Variants in FAM76A observed in about 807,000 individuals in gnomAD.
FAM76A encodes the protein family with sequence similarity 76 member A, also known as protein FAM76A.
A neutral mutation model predicts 46.2 loss-of-function variants in FAM76A; 32 were observed. That is an observed-to-expected ratio of 0.69 (90% CI 0.52 to 0.93). The LOEUF is 0.93. Among genes scored for constraint, FAM76A ranks in the 40% least tolerant of loss-of-function variants. FAM76A has a pLI of 0.00. For missense variants in FAM76A, 274 were observed against 361.5 expected (o/e 0.76, Z 1.96); for synonymous variants, 137 against 127.0 (o/e 1.08, Z -0.53).
intron 6 of FAM76A, among the ~76,000 whole-genome samples, chr1:27,752,451 AAAATACAC>A (rs1229848138): frequency 6.6e-6 from 1 of 152,222 alleles, no homozygotes; most frequent in Non-Finnish European, 1.5e-5. Flanking sequence ...CTTCCTCTAG[AAAATACAC>A]TGGCTACTTT....
At chr1:27,726,357 C>T (rs940223497) in intron 1 of FAM76A, among the ~76,000 whole-genome samples, 196 bp downstream of exon 1, 1 of 152,134 alleles carries the variant, frequency 6.6e-6, no homozygotes, top group Non-Finnish European at 1.5e-5. Flanking sequence ...CTCCCGCGGC[C>T]GGCGTGTCCG....
intron 5 of FAM76A, among the ~76,000 whole-genome samples, chr1:27,747,155 G>T (rs10902669): frequency 0.16 from 24,320 of 152,044 alleles, 5,035 homozygotes; most frequent in African/African-American, 0.48. Flanking sequence ...TAGGATAGAG[G>T]CCAGGAATCT....
chr1:27,762,158 CT>C lies in FAM76A; in HGVS notation c.*1580del, dbSNP rs972618906. 2 of 152,094 alleles carry C rather than the reference CT, an allele frequency of 1.3e-5. No homozygotes were observed. Among genetic ancestry groups the C allele is most frequent in the Non-Finnish European group, 2.9e-5 (2 of 68,028 alleles). The allele number at this position is 152,094 out of a possible 1,614,324, so 9.4% of individuals were successfully genotyped here. On this transcript the variant is annotated 3_prime_UTR_variant, in exon 9 of 9. Transcript: ENST00000373954. ...TGAAAACAGGTGCTTCTCAGAAGCA[CT>C]TTGCCTCAACCAGAGTTATGTATGC...
intron 6 of FAM76A, among the ~76,000 whole-genome samples, 180 bp from the exon 7 acceptor site, chr1:27,755,015 C>G (rs2088386567): frequency 6.6e-6 from 1 of 152,146 alleles, no homozygotes; most frequent in African/African-American, 2.4e-5. Flanking sequence ...TGATGGCCAC[C>G]TTACCTCTGC....
chr1:27,731,143 A>C (rs910888362), intron 2 of FAM76A, among the ~76,000 whole-genome samples: 5 of 151,684 alleles, frequency 3.3e-5, no homozygotes, highest in Non-Finnish European at 7.4e-5. Context: ...CTGGATCTTC[A>C]CAAGGCAAAG....
At chr1:27,732,512 G>T in intron 2 of FAM76A, 91 bp from the exon 3 acceptor site, 3 of 1,017,734 alleles carry the variant, frequency 2.9e-6, no homozygotes, top group Non-Finnish European at 4.5e-6. Context: ...TCTCACTTTG[G>T]CCCTTAGCAA....
Position 27,744,642 on chromosome 1 carries a change from C to G in FAM76A, c.355-12C>G. The G allele has an allele frequency of 6.2e-7, 1 of 1,613,390 alleles. No individual in the cohort carries two copies. Among genetic ancestry groups the G allele is most frequent in the Admixed American group, 1.7e-5 (1 of 59,950 alleles). On this transcript the variant is annotated splice_polypyrimidine_tract_variant and intron_variant, in intron 4 of 8. Coordinates refer to ENST00000373954, the MANE Select transcript of FAM76A (RefSeq NM_152660.3). ...ATTCCCTCTTCTTTATCTTTGTCTC[C>G]TTGTCTTTCAGGTAGATGGGAAATT...
chr1:27,736,135 C>G (rs747595786), intron 4 of FAM76A, among the ~76,000 whole-genome samples: 6 of 152,030 alleles, frequency 3.9e-5, no homozygotes, highest in African/African-American at 7.2e-5. Flanking sequence ...GCCTGGCTAA[C>G]ATGATGAAAC....
intron 4 of FAM76A, among the ~76,000 whole-genome samples, chr1:27,734,573 T>C (rs950163709): frequency 6.6e-6 from 1 of 152,116 alleles, no homozygotes; most frequent in Non-Finnish European, 1.5e-5. Flanking sequence ...AAAACACACA[T>C]TTAACAAAGA....
At chr1:27,742,794 C>T (rs554193035) in intron 4 of FAM76A, among the ~76,000 whole-genome samples, 134 of 152,318 alleles carry the variant, frequency 8.8e-4, no homozygotes, top group African/African-American at 3.2e-3. Context: ...GGTGCAGTGG[C>T]TCACGCCTGT....
At chr1:27,756,438 C>T (rs2088410548) in intron 7 of FAM76A, among the ~76,000 whole-genome samples, 1 of 151,852 alleles carries the variant, frequency 6.6e-6, no homozygotes, top group African/African-American at 2.4e-5. Context: ...TTACAGGTGC[C>T]TGCCACCATG....
In FAM76A at chr1:27,734,141, C is replaced by T. The variant is rs373028045; in HGVS notation, c.312C>T (p.Cys104=). Residue 104 remains cysteine, a synonymous_variant, in exon 4 of 9, where the codon TGC becomes TGT. Coordinates refer to ENST00000373954, the MANE Select transcript of FAM76A (RefSeq NM_152660.3). ...KYGPPYSCEQ[C]KQQCAFDRKD... ...GACCACCCTATTCTTGTGAACAGTG[C>T]AAGCAGCAGTGTGCATTTGACAGGA... The T allele has an allele frequency of 1.2e-6, 2 of 1,602,644 alleles. No homozygotes were observed. Among genetic ancestry groups the T allele is most frequent in the Non-Finnish European group, 1.7e-6 (2 of 1,176,186 alleles).
rs2088492929 is a variant in FAM76A at position 27,760,870 on chromosome 1, C to CTTTTTTTT, written c.*295_*296insTTTTTTTT. ...TATTTTGGTTCTATTCTTTTTTTTT[C>CTTTTTTTT]TTTTTTCTTTTTTTTTTTTTTTTTT... On this transcript the variant is annotated 3_prime_UTR_variant, in exon 9 of 9. Coordinates refer to ENST00000373954, the MANE Select transcript of FAM76A (RefSeq NM_152660.3). The CTTTTTTTT allele has an allele frequency of 2.3e-5, 1 of 43,154 alleles. No homozygotes were observed. The highest frequency in any genetic ancestry group is 1.0e-4 in the African/African-American group (1 of 9,978). 2.7% of individuals were successfully genotyped at this position (43,154 alleles called of 1,614,324 possible).
intron 4 of FAM76A, 33 bp from the exon 5 acceptor site, chr1:27,744,621 C>T: frequency 6.2e-7 from 1 of 1,610,212 alleles, no homozygotes; most frequent in East Asian, 2.2e-5. Context: ...CGCTAAATTC[C>T]CTCTTCTTTA....
In FAM76A at chr1:27,759,798, TTC is replaced by T. The variant is rs2148589524; in HGVS notation, c.837+175_837+176del. 5.5e-6 allele frequency: 3 copies of T among 547,290 alleles called. No homozygotes were observed. In the Admixed American group the frequency reaches 1.0e-4, roughly 19 times the overall value. 33.9% of individuals were successfully genotyped at this position (547,290 alleles called of 1,614,324 possible). ...TTTTTTGTTTTTTTTTTGAGACAGG[TTC>T]TCTGTCGCCTAGGCTGGAGGGCAGT... On this transcript the variant is annotated intron_variant, in intron 8 of 8. Coordinates refer to ENST00000373954, the MANE Select transcript of FAM76A (RefSeq NM_152660.3).
chr1:27,740,698 C>T, intron 4 of FAM76A: 1 of 477,412 alleles, frequency 2.1e-6, no homozygotes, highest in Non-Finnish European at 3.8e-6. Context: ...ATATTGACTA[C>T]CAAATCATAT....
chr1:27,755,507 T>A (rs1001103199), intron 7 of FAM76A, among the ~76,000 whole-genome samples, 177 bp downstream of exon 7: 3 of 152,148 alleles, frequency 2.0e-5, no homozygotes, highest in African/African-American at 4.8e-5. Context: ...ATTACTCCAG[T>A]CAGTTGGGCT....
At chr1:27,745,076 C>T (rs1173031364) in intron 5 of FAM76A, among the ~76,000 whole-genome samples, 2 of 152,160 alleles carry the variant, frequency 1.3e-5, no homozygotes, top group African/African-American at 4.8e-5. Context: ...TGTTCTCACC[C>T]TTAGAGTGGA....
Position 27,743,937 on chromosome 1 carries a change from TA to T in FAM76A, c.355-704del, listed in dbSNP as rs879256498. On this transcript the variant is annotated intron_variant, in intron 4 of 8. Transcript: ENST00000373954. ...GTCTGGGTGAGTGAGATCCTATCAC[TA>T]AAAAAAAAAAAATCCAAAAAACTGT... is the stretch of plus-strand genomic sequence containing the variant. Among the ~76,000 whole-genome samples the T allele has an allele frequency of 3.0e-3, 423 of 142,450 alleles. 1 individual carries two copies. The highest frequency in any genetic ancestry group is 3.6e-3 in the Middle Eastern group (1 of 280). 93.5% of individuals were successfully genotyped at this position (142,450 alleles called of 152,430 possible). A position where few individuals can be genotyped will look rare whatever the true frequency, so the allele number is the denominator to read the frequency against.
Sources: gnomAD v4.1 joint callset for allele counts (sites outside exome capture counted in the v4.1 genomes callset) on GRCh38, gnomAD v4.1.1 for gene constraint, MANE v1.5 for transcripts, NCBI Gene and HGNC (gene_info 2026-07-23, HGNC 2026-07-21) for gene names.